SSC4D: variants seen among roughly 807,000 people sequenced by gnomAD.
The protein encoded by SSC4D is scavenger receptor cysteine-rich domain-containing group B protein.
A neutral mutation model predicts 63.4 loss-of-function variants in SSC4D; 57 were observed. That is an observed-to-expected ratio of 0.90 (90% CI 0.73 to 1.12). SSC4D has a LOEUF of 1.12. Ranked by LOEUF, SSC4D falls within the 50% of genes most tolerant of loss-of-function variation. The pLI, the probability that SSC4D is intolerant of heterozygous loss-of-function variation, is 0.00. For missense variants in SSC4D, 791 were observed against 806.4 expected, an observed-to-expected ratio of 0.98 and a Z score of 0.23; for synonymous variants, 352 against 345.4, an observed-to-expected ratio of 1.02 and a Z score of -0.21.
Position 76,389,984 on chromosome 7 carries a change from A to C in SSC4D, c.*75T>G. 6.3e-7 allele frequency: 1 copy of C among 1,587,716 alleles called. No homozygotes were observed. The highest frequency in any genetic ancestry group is 8.6e-7 in the Non-Finnish European group (1 of 1,162,144). ...GGGCAAAGTGAACTGTAGTCATCAC[A>C]AGAGGAGGGCTTCCTGGAGGAGGAA... On this transcript the variant is annotated 3_prime_UTR_variant, in exon 11 of 11. Coordinates refer to ENST00000275560, the MANE Select transcript of SSC4D (RefSeq NM_080744.2).
intron 9 of SSC4D, 39 bp downstream of exon 9, chr7:76,393,366 C>T (rs765248539): frequency 6.8e-6 from 9 of 1,325,202 alleles, no homozygotes; most frequent in South Asian, 4.1e-5. Context: ...CCGCAGTGCG[C>T]GGCCCCGCTG....
chr7:76,394,462 G>T (rs1439326221), intron 7 of SSC4D, among the ~76,000 whole-genome samples: 1 of 150,826 alleles, frequency 6.6e-6, no homozygotes, highest in Admixed American at 6.6e-5. Context: ...CCAGACTGTG[G>T]TGCAGTGGCG....
Position 76,393,403 on chromosome 7 carries a change from A to C in SSC4D, c.1333+2T>G, listed in dbSNP as rs1207029337. On this transcript the variant is annotated splice_donor_variant, in intron 9 of 10. Transcript: ENST00000275560. LOFTEE classifies it high-confidence loss of function. ...CAGCCTCACCTTCGCTGTCAGCCTC[A>C]CCTGCGCAGAGCGCTCCCGCGTCCT... 1 of 1,432,260 alleles carries C rather than the reference A, an allele frequency of 7.0e-7. No homozygotes were observed. Among genetic ancestry groups the C allele is most frequent in the South Asian group, 1.5e-5 (1 of 68,616 alleles). 88.7% of individuals were successfully genotyped at this position (1,432,260 alleles called of 1,614,324 possible). A position where few individuals can be genotyped will look rare whatever the true frequency, so the allele number is the denominator to read the frequency against.
rs776569270 is a variant in SSC4D at position 76,404,387 on chromosome 7, C to T, written c.53G>A (p.Trp18Ter). Residue 18 changes from tryptophan (W) to a stop codon, truncating the protein, a stop_gained, in exon 2 of 11, where the codon TGG becomes TAG. Coordinates refer to ENST00000275560, the MANE Select transcript of SSC4D (RefSeq NM_080744.2). LOFTEE classifies it high-confidence loss of function. The stretch of plus-strand genomic sequence containing the variant: ...ACTCCCATCTCCCAACCTCCACCCC[C>T]AGCGCTTCTCATCCAGCTGGGGACC... The part of the protein sequence containing the change: ...LIGPQLDEKR[W>*]GWRLGDGSAA... 7.4e-6 allele frequency: 12 copies of T among 1,613,904 alleles called. No individual in the cohort carries two copies. Among genetic ancestry groups the T allele is most frequent in the African/African-American group, 1.3e-5 (1 of 74,928 alleles).
chr7:76,393,638 G>A lies in SSC4D; in HGVS notation c.1100C>T (p.Thr367Ile). ...VEVLHAGGWG[T>I]VCDDDWDFAD... ...AAAGTCCCAGTCATCGTCGCACACG[G>A]TGCCCCAGCCCCCGGCGTGCAACAC... Residue 367 changes from threonine (T) to isoleucine (I), a missense_variant, in exon 9 of 11, where the codon ACC becomes ATC. Coordinates refer to ENST00000275560, the MANE Select transcript of SSC4D (RefSeq NM_080744.2). The A allele has an allele frequency of 2.7e-6, 4 of 1,490,256 alleles. No individual in the cohort carries two copies. The highest frequency in any genetic ancestry group is 2.7e-6 in the Non-Finnish European group (3 of 1,125,936). 92.3% of individuals were successfully genotyped at this position (1,490,256 alleles called of 1,614,324 possible).
intron 9 of SSC4D, among the ~76,000 whole-genome samples, chr7:76,392,599 T>G (rs550190996): frequency 3.3e-5 from 5 of 150,786 alleles, no homozygotes; most frequent in South Asian, 4.2e-4. Context: ...GAGAGTAGCC[T>G]GGGCAACACA....
Position 76,405,346 on chromosome 7 carries a change from T to C in SSC4D, c.-66-841A>G, listed in dbSNP as rs1235500722. Among the ~76,000 whole-genome samples, 267 of 107,504 alleles carry C rather than the reference T, an allele frequency of 2.5e-3. 13 individuals are homozygous for C. The highest frequency in any genetic ancestry group is 7.4e-3 in the African/African-American group (220 of 29,588). The allele number at this position is 107,504 out of a possible 152,430, so 70.5% of individuals were successfully genotyped here. On this transcript the variant is annotated intron_variant, in intron 1 of 10. Coordinates refer to ENST00000275560, the MANE Select transcript of SSC4D (RefSeq NM_080744.2). ...TTTTTTCTTTCTTTCTTTCTTTTTTTTTTTTTTTTTTTTTTGGTAGAGAGG... is the reference window on the plus strand; with the variant it reads ...TTTTTTCTTTCTTTCTTTCTTTTTTCTTTTTTTTTTTTTTTGGTAGAGAGG...
At chr7:76,399,067 A>G (rs1257552736) in intron 4 of SSC4D, among the ~76,000 whole-genome samples, 1 of 152,062 alleles carries the variant, frequency 6.6e-6, no homozygotes, top group Non-Finnish European at 1.5e-5. Context: ...GCTGGAGTGC[A>G]ATGGTGCAAT....
In SSC4D at chr7:76,397,637, T is replaced by C. The variant is rs2115765619; in HGVS notation, c.749A>G (p.His250Arg). 6.2e-7 allele frequency: 1 copy of C among 1,613,678 alleles called. No homozygotes were observed. Among genetic ancestry groups the C allele is most frequent in the African/African-American group, 1.3e-5 (1 of 75,052 alleles). The change falls in exon 6 of 11, where the codon CAC (histidine) becomes CGC (arginine). Residue 250 changes from histidine (H) to arginine (R), a missense_variant. His to Arg is a conservative substitution (Grantham distance 29). Coordinates refer to ENST00000275560, the MANE Select transcript of SSC4D (RefSeq NM_080744.2). The stretch of plus-strand genomic sequence containing the variant: ...GCAGTGCACGTTGTCCAGCAGGATG[T>C]GTCCGGTGCCATAGCCGAAGAAGGC... ...TNAFFGYGTG[H>R]ILLDNVHCEG...
In SSC4D at chr7:76,389,992, G is replaced by C. The variant is rs755790471; in HGVS notation, c.*67C>G. 7 of 1,589,450 alleles carry C rather than the reference G, an allele frequency of 4.4e-6. No homozygotes were observed. In the Admixed American group the frequency reaches 1.2e-4, roughly 27 times the overall value. Reference sequence around the variant, plus strand: ...TGAACTGTAGTCATCACAAGAGGAGGGCTTCCTGGAGGAGGAAGGGAGGTC... The same window carrying C: ...TGAACTGTAGTCATCACAAGAGGAGCGCTTCCTGGAGGAGGAAGGGAGGTC... On this transcript the variant is annotated 3_prime_UTR_variant, in exon 11 of 11. Transcript: ENST00000275560.
At chr7:76,400,893 G>A in intron 3 of SSC4D, 115 bp downstream of exon 3, 4 of 1,375,730 alleles carry the variant, frequency 2.9e-6, no homozygotes, top group Non-Finnish European at 1.0e-6. Flanking sequence ...CCCTGAGATG[G>A]GGGCATCTAG....
At position 76,398,773 on chromosome 7, in the gene SSC4D, G is replaced by A. The variant is rs761866520; in HGVS notation, c.500C>T (p.Thr167Ile). ...TGCTCTACTGGTTAACATCTTCCTT[G>A]TTGGGGGCTGCGTTGGCAAGAATTC... ...CDEFLPTQPP[T>I]RKMLTSRAPP... Residue 167 changes from threonine (T) to isoleucine (I), a missense_variant, in exon 5 of 11, where the codon ACA (threonine) becomes ATA (isoleucine). Physicochemically the swap from Thr to Ile is moderately conservative, Grantham distance 89. Coordinates refer to ENST00000275560, the MANE Select transcript of SSC4D (RefSeq NM_080744.2). 3 of 1,613,218 alleles carry A rather than the reference G, an allele frequency of 1.9e-6. No homozygotes were observed. The highest frequency in any genetic ancestry group is 2.5e-6 in the Non-Finnish European group (3 of 1,179,420).
At position 76,400,569 on chromosome 7, in the gene SSC4D, G is replaced by A; in HGVS notation, c.192C>T (p.Pro64=). 1.3e-6 allele frequency: 2 copies of A among 1,486,020 alleles called. No homozygotes were observed. The highest frequency in any genetic ancestry group is 1.8e-6 in the Non-Finnish European group (2 of 1,113,868). 92.1% of individuals were successfully genotyped at this position (1,486,020 alleles called of 1,614,324 possible). The change falls in exon 4 of 11, where the codon CCC becomes CCT. Residue 64 remains proline, a synonymous_variant. Transcript: ENST00000275560. ...PFQELRLVGG[P]SRCRGRLEVM... ...CTTCCAGGCGGCCCCGGCAGCGGCT[G>A]GGGCCCCCCACCAGCCTCAGCTCTG...
In SSC4D at chr7:76,398,785, G is replaced by T; in HGVS notation, c.488C>A (p.Thr163Lys). The T allele has an allele frequency of 6.2e-7, 1 of 1,612,748 alleles. No individual in the cohort carries two copies. Among genetic ancestry groups the T allele is most frequent in the Non-Finnish European group, 8.5e-7 (1 of 1,179,182 alleles). ...VAVLCDEFLP[T>K]QPPTRKMLTS... Reference sequence around the variant, plus strand: ...TAACATCTTCCTTGTTGGGGGCTGCGTTGGCAAGAATTCTGGAAAGGAAGT... The same window carrying T: ...TAACATCTTCCTTGTTGGGGGCTGCTTTGGCAAGAATTCTGGAAAGGAAGT... Residue 163 changes from threonine (T) to lysine (K), a missense_variant, in exon 5 of 11, where the codon ACG (threonine) becomes AAG (lysine). Coordinates refer to ENST00000275560, the MANE Select transcript of SSC4D (RefSeq NM_080744.2).
At position 76,393,522 on chromosome 7, in the gene SSC4D, C is replaced by T; in HGVS notation, c.1216G>A (p.Val406Met). 1 of 1,524,984 alleles carries T rather than the reference C, an allele frequency of 6.6e-7. No individual in the cohort carries two copies. Among genetic ancestry groups the T allele is most frequent in the Non-Finnish European group, 8.7e-7 (1 of 1,143,006 alleles). The allele number at this position is 1,524,984 out of a possible 1,614,324, so 94.5% of individuals were successfully genotyped here. ...LGHFGYGRGPVLLDNVGCAGT... is the reference protein window; with the variant it reads ...LGHFGYGRGPMLLDNVGCAGT... ...GCGCAGCCCACGTTGTCCAGCAGCA[C>T]GGGGCCGCGGCCGTAGCCGAAGTGG... is the stretch of plus-strand genomic sequence containing the variant. Residue 406 changes from valine to methionine, a missense_variant, in exon 9 of 11, where the codon GTG (valine) becomes ATG (methionine). By Grantham distance (21) the Val-to-Met change is conservative. Transcript: ENST00000275560.
At chr7:76,390,701 C>G (rs1804478166) in intron 10 of SSC4D, among the ~76,000 whole-genome samples, 1 of 152,160 alleles carries the variant, frequency 6.6e-6, no homozygotes, top group South Asian at 2.1e-4. Flanking sequence ...CCTGTGGTCC[C>G]AGCTACTTGA....
chr7:76,398,289 T>A (rs1440085739), intron 5 of SSC4D, among the ~76,000 whole-genome samples: 1 of 150,766 alleles, frequency 6.6e-6, no homozygotes, highest in Non-Finnish European at 1.5e-5. Context: ...AGCTCCAGTC[T>A]CACCGCCCAT....
intron 1 of SSC4D, among the ~76,000 whole-genome samples, chr7:76,407,489 G>A (rs1431394979): frequency 1.3e-5 from 2 of 151,062 alleles, no homozygotes; most frequent in African/African-American, 2.4e-5. Flanking sequence ...GTATCACCAC[G>A]CCCAGCTAAT....
intron 7 of SSC4D, 36 bp downstream of exon 7, chr7:76,395,217 C>T: frequency 3.1e-6 from 5 of 1,610,848 alleles, no homozygotes; most frequent in Non-Finnish European, 4.2e-6. Flanking sequence ...CCCACCATAC[C>T]CCTACCATTC....
Sources: gnomAD v4.1 joint callset for allele counts (sites outside exome capture counted in the v4.1 genomes callset) on GRCh38, gnomAD v4.1.1 for gene constraint, MANE v1.5 for transcripts, NCBI Gene and HGNC (gene_info 2026-07-23, HGNC 2026-07-21) for gene names.